The following PDE1C variants were observed in gnomAD, a reference collection of about 807,000 sequenced individuals.
PDE1C encodes the protein phosphodiesterase 1C.
A neutral mutation model predicts 93.1 loss-of-function variants in PDE1C; 62 were observed. The ratio of observed to expected loss-of-function variants is 0.67; its 90% CI spans 0.54 to 0.82. PDE1C has a LOEUF of 0.82. Among genes scored for constraint, PDE1C ranks in the 40% least tolerant of loss-of-function variants. The probability of loss-of-function intolerance (pLI) is 0.00; values close to 1 mark genes in which losing one functional copy is unlikely to be tolerated. For synonymous variants in PDE1C, 325 were observed against 310.1 expected (o/e 1.05, Z -0.50); for missense variants, 742 against 884.6 (o/e 0.84, Z 2.04).
At chr7:32,221,385 T>C (rs1339047429) in intron 1 of PDE1C, among the ~76,000 whole-genome samples, 1 of 152,210 alleles carries the variant, frequency 6.6e-6, no homozygotes, top group African/African-American at 2.4e-5. Context: ...ATTTTCAGCA[T>C]CATACGCCCC....
chr7:31,870,245 G>A (rs528236179), intron 6 of PDE1C, among the ~76,000 whole-genome samples: 1 of 151,812 alleles, frequency 6.6e-6, no homozygotes, highest in East Asian at 1.9e-4. Flanking sequence ...ACAAAATAAT[G>A]AAGATCAGAG....
At chr7:32,273,869 T>A (rs1811124576) in intron 1 of PDE1C, among the ~76,000 whole-genome samples, 1 of 152,218 alleles carries the variant, frequency 6.6e-6, no homozygotes. Context: ...GTGCTTGAGG[T>A]TAAATTGTTC....
At chr7:32,043,489 C>G (rs1792121403) in intron 2 of PDE1C, among the ~76,000 whole-genome samples, 1 of 152,124 alleles carries the variant, frequency 6.6e-6, no homozygotes. Context: ...ATTAGGCAAT[C>G]TAAGAAACTT....
intron 2 of PDE1C, among the ~76,000 whole-genome samples, chr7:31,938,950 C>T (rs998569529): frequency 2.0e-5 from 3 of 152,180 alleles, no homozygotes; most frequent in Non-Finnish European, 4.4e-5. Flanking sequence ...TCAGCACCCT[C>T]ACCACCTCCA....
intron 1 of PDE1C, 114 bp downstream of exon 1, chr7:32,070,179 G>A: frequency 6.5e-7 from 1 of 1,539,188 alleles, no homozygotes; most frequent in Middle Eastern, 2.3e-4. Flanking sequence ...GAACTTCTAG[G>A]GTTGTATTTA....
chr7:32,191,689 G>C (rs944303727), intron 2 of PDE1C, among the ~76,000 whole-genome samples: 1 of 152,162 alleles, frequency 6.6e-6, no homozygotes, highest in Non-Finnish European at 1.5e-5. Context: ...CATTCATGTA[G>C]GTTTTTGTGT....
chr7:32,024,391 A>G (rs1407076349), intron 2 of PDE1C, among the ~76,000 whole-genome samples: 4 of 149,702 alleles, frequency 2.7e-5, no homozygotes, highest in African/African-American at 2.5e-5. Context: ...AGATTTCTCA[A>G]TATACATATG....
chr7:31,704,413 G>A, the PDE1C span, among the ~76,000 whole-genome samples: 1 of 152,124 alleles, frequency 6.6e-6, no homozygotes, highest in African/African-American at 2.4e-5. Context: ...GGCAGTCTTG[G>A]TCTTAAAACC....
the PDE1C span, among the ~76,000 whole-genome samples, chr7:31,700,848 T>C: frequency 0.064 from 9,709 of 152,204 alleles, 369 homozygotes; most frequent in Non-Finnish European, 0.089. Context: ...AAGGCATACA[T>C]GTTTACAGCA....
intron 1 of PDE1C, among the ~76,000 whole-genome samples, chr7:32,399,420 C>G (rs73305843): frequency 0.033 from 5,032 of 152,076 alleles, 258 homozygotes; most frequent in African/African-American, 0.12. Flanking sequence ...GGAAGTCCAT[C>G]ATCAGGGTGC....
chr7:31,672,025 G>T, the PDE1C span, among the ~76,000 whole-genome samples: 1 of 152,086 alleles, frequency 6.6e-6, no homozygotes, highest in Non-Finnish European at 1.5e-5. Context: ...CCCCATTTGG[G>T]AATTTTCTAG....
At chr7:32,110,582 GCCA>G (rs1798584790) in intron 3 of PDE1C, among the ~76,000 whole-genome samples, 1 of 152,158 alleles carries the variant, frequency 6.6e-6, no homozygotes, top group South Asian at 2.1e-4. Context: ...TGGTACTTCT[GCCA>G]CCAACCTAGC....
At chr7:32,131,924 A>ATAG (rs749678697) in intron 3 of PDE1C, among the ~76,000 whole-genome samples, 1 of 152,068 alleles carries the variant, frequency 6.6e-6, no homozygotes, top group Non-Finnish European at 1.5e-5. Flanking sequence ...AATAGTGGTA[A>ATAG]TAGTAGTAGT....
chr7:32,344,020 T>A (rs1783805867), intron 1 of PDE1C, among the ~76,000 whole-genome samples: 1 of 152,224 alleles, frequency 6.6e-6, no homozygotes, highest in Non-Finnish European at 1.5e-5. Flanking sequence ...CATACAAATT[T>A]TGATATTGTT....
At chr7:32,043,596 G>C (rs1350100222) in intron 2 of PDE1C, among the ~76,000 whole-genome samples, 1 of 152,086 alleles carries the variant, frequency 6.6e-6, no homozygotes, top group African/African-American at 2.4e-5. Context: ...GATCCACCCT[G>C]AGCAAATACA....
intron 14 of PDE1C, among the ~76,000 whole-genome samples, chr7:31,821,847 C>T (rs972932656): frequency 6.6e-6 from 1 of 152,064 alleles, no homozygotes; most frequent in East Asian, 1.9e-4. Flanking sequence ...AGAAGCAGAA[C>T]CCCCAGCCCC....
chr7:32,230,649 C>T (rs138886629), intron 1 of PDE1C, among the ~76,000 whole-genome samples: 88 of 152,188 alleles, frequency 5.8e-4, no homozygotes, highest in Non-Finnish European at 1.0e-3. Context: ...TGAATGAAAA[C>T]GGTCACTCTA....
chr7:31,841,373 C>A (rs1015490755), intron 9 of PDE1C, among the ~76,000 whole-genome samples: 1 of 151,958 alleles, frequency 6.6e-6, no homozygotes, highest in Non-Finnish European at 1.5e-5. Flanking sequence ...TCTACTTAGG[C>A]AATCATGTCA....
intron 1 of PDE1C, among the ~76,000 whole-genome samples, chr7:32,244,183 T>G (rs35642568): frequency 0.11 from 15,976 of 152,032 alleles, 892 homozygotes; most frequent in East Asian, 0.13. Flanking sequence ...ACAGAGATGG[T>G]AGAAAAGAAG....
Sources: allele counts gnomAD v4.1 joint callset (sites outside exome capture counted in the v4.1 genomes callset), GRCh38; gene constraint gnomAD v4.1.1; transcripts MANE v1.5; gene names NCBI Gene and HGNC (gene_info 2026-07-23, HGNC 2026-07-21).